Variants in ADAM20 observed in about 807,000 individuals in gnomAD.
ADAM20 encodes ADAM metallopeptidase domain 20, also known as disintegrin and metalloproteinase domain-containing protein 20.
For missense variants in ADAM20, 871 were observed against 883.2 expected (o/e 0.99, Z 0.18); for synonymous variants, 305 against 310.2 (o/e 0.98, Z 0.18).
the ADAM20 span, chr14:70,556,284 G>C: frequency 1.3e-5 from 2 of 152,390 alleles, no homozygotes; most frequent in Non-Finnish European, 2.9e-5. Flanking sequence ...GCCTGCACCT[G>C]CCGGCGCCAT....
At chr14:70,539,590 A>G (rs1047063935), upstream of ADAM20, among the ~76,000 whole-genome samples, 53 of 152,230 alleles carry the variant, frequency 3.5e-4, no homozygotes, top group African/African-American at 1.3e-3. Context: ...GTTTCTATGG[A>G]TTGTTTGTAA....
At chr14:70,557,491 A>G in the ADAM20 span, 1 of 152,236 alleles carries the variant, frequency 6.6e-6, no homozygotes, top group African/African-American at 2.4e-5. Flanking sequence ...GCCTTGCCTC[A>G]TTATCTTACA....
chr14:70,526,932 T>C (rs1883602892), intron 1 of ADAM20, among the ~76,000 whole-genome samples: 1 of 152,288 alleles, frequency 6.6e-6, no homozygotes, highest in South Asian at 2.1e-4. Flanking sequence ...ATCAATGTAG[T>C]GGGCCACAAC....
At chr14:70,570,528 T>C in the ADAM20 span, among the ~76,000 whole-genome samples, 2 of 151,986 alleles carry the variant, frequency 1.3e-5, no homozygotes, top group African/African-American at 4.8e-5. Context: ...CTAGGAGAAA[T>C]GGATATATTC....
Position 70,524,528 on chromosome 14 carries a change from C to A in ADAM20, c.230G>T (p.Arg77Met). Reference protein sequence around the residue: ...FGGQRYIVHMRVNKLLFAAHL... With the variant: ...FGGQRYIVHMMVNKLLFAAHL... ...TGCAGCAAACAACAGCTTATTTACC[C>A]TCATGTGGACAATGTATCTCTGTCC... is the stretch of plus-strand genomic sequence containing the variant. The change falls in exon 2 of 2, where the codon AGG becomes ATG. Residue 77 changes from arginine to methionine, a missense_variant. Physicochemically the swap from Arg to Met is moderately conservative, Grantham distance 91. Coordinates refer to ENST00000256389, the MANE Select transcript of ADAM20 (RefSeq NM_003814.5). 1.9e-6 allele frequency: 3 copies of A among 1,614,010 alleles called. No homozygotes were observed. The East Asian group carries it at 6.7e-5, about 36-fold the overall frequency.
intron 1 of ADAM20, among the ~76,000 whole-genome samples, chr14:70,525,497 C>T (rs1214861925): frequency 6.6e-6 from 1 of 152,146 alleles, no homozygotes; most frequent in African/African-American, 2.4e-5. Flanking sequence ...ACTGGGATTA[C>T]AGGCATGAGC....
the ADAM20 span, among the ~76,000 whole-genome samples, chr14:70,553,332 ACTAGTAGCAG>A: frequency 3.5e-5 from 4 of 114,956 alleles, no homozygotes; most frequent in East Asian, 3.1e-4. Flanking sequence ...AAAAAAAAAA[ACTAGTAGCAG>A]AATTGAAAAA....
the ADAM20 span, among the ~76,000 whole-genome samples, chr14:70,575,662 T>C: frequency 6.6e-6 from 1 of 152,230 alleles, no homozygotes; most frequent in African/African-American, 2.4e-5. Flanking sequence ...AAAATATGCA[T>C]ATTATTAAAA....
rs980720425 is a variant in ADAM20 at position 70,524,228 on chromosome 14, T to A, written c.530A>T (p.Glu177Val). 6.2e-7 allele frequency: 1 copy of A among 1,614,018 alleles called. No individual in the cohort carries two copies. The highest frequency in any genetic ancestry group is 1.1e-5 in the South Asian group (1 of 91,068). ...QFPPMRCGLT[E>V]EKIAHQMELQ... is the part of the protein sequence containing the mutation. ...CTCCATCTGGTGTGCTATTTTCTCT[T>A]CTGTTAACCCACATCTCATAGGTGG... is the stretch of plus-strand genomic sequence containing the variant. The change falls in exon 2 of 2, where the codon GAA (glutamate) becomes GTA (valine). Residue 177 changes from glutamate to valine, a missense_variant. Glu to Val is a moderately radical substitution (Grantham distance 121, BLOSUM62 -2). Coordinates refer to ENST00000256389, the MANE Select transcript of ADAM20 (RefSeq NM_003814.5).
intron 1 of ADAM20, among the ~76,000 whole-genome samples, chr14:70,527,351 T>C (rs1480434412): frequency 2.0e-5 from 3 of 152,152 alleles, no homozygotes; most frequent in Non-Finnish European, 2.9e-5. Context: ...TACTTGAAGA[T>C]TGACTCAACT....
chr14:70,529,709 T>C (rs1236601868), intron 1 of ADAM20, among the ~76,000 whole-genome samples: 1 of 152,190 alleles, frequency 6.6e-6, no homozygotes, highest in African/African-American at 2.4e-5. Context: ...GCACTCATCA[T>C]GTATGGAGCT....
At chr14:70,532,445 G>A (rs773405704) in intron 1 of ADAM20, among the ~76,000 whole-genome samples, 19 of 151,846 alleles carry the variant, frequency 1.3e-4, no homozygotes, top group Non-Finnish European at 2.1e-4. Context: ...CCAAAAGCAC[G>A]GGCAATAAAA....
At chr14:70,559,741 C>T in the ADAM20 span, among the ~76,000 whole-genome samples, 1,411 of 152,270 alleles carry the variant, frequency 9.3e-3, 26 homozygotes, top group African/African-American at 0.032. Context: ...ACTAACAGAC[C>T]AAAGCATACA....
At chr14:70,543,366 C>T in the ADAM20 span, among the ~76,000 whole-genome samples, 1 of 152,200 alleles carries the variant, frequency 6.6e-6, no homozygotes, top group Admixed American at 6.5e-5. Context: ...ATTACTGTAG[C>T]ATTTTGCTTA....
chr14:70,524,619 T>A lies in ADAM20; in HGVS notation c.139A>T (p.Lys47Ter). ...FTSPEVVIPL[K>*]VISRGRGAKA... is the part of the protein sequence containing the mutation. ...GCACCTCTGCCCCTGCTGATCACCT[T>A]CAAAGGGATCACCACTTCTGGAGAA... Residue 47 changes from lysine (K) to a stop codon, truncating the protein, a stop_gained, in exon 2 of 2, where the codon AAG becomes TAG. Transcript: ENST00000256389. LOFTEE classifies it low-confidence loss of function (END_TRUNC). 6.2e-7 allele frequency: 1 copy of A among 1,613,920 alleles called. No individual in the cohort carries two copies. Among genetic ancestry groups the A allele is most frequent in the Non-Finnish European group, 8.5e-7 (1 of 1,179,942 alleles).
the ADAM20 span, among the ~76,000 whole-genome samples, chr14:70,560,057 A>G: frequency 6.6e-6 from 1 of 152,200 alleles, no homozygotes; most frequent in Non-Finnish European, 1.5e-5. Context: ...TTCTCAAAAT[A>G]TGTTTTCATC....
the ADAM20 span, among the ~76,000 whole-genome samples, chr14:70,559,562 G>C: frequency 1.3e-5 from 2 of 152,164 alleles, no homozygotes; most frequent in Non-Finnish European, 2.9e-5. Flanking sequence ...ACTTTGCTCA[G>C]AATGCTCCAG....
At chr14:70,574,564 C>T in the ADAM20 span, among the ~76,000 whole-genome samples, 3 of 151,614 alleles carry the variant, frequency 2.0e-5, no homozygotes, top group Admixed American at 6.6e-5. Flanking sequence ...GGTGTGAACC[C>T]GGGAGGCAGA....
chr14:70,553,379 G>A, the ADAM20 span, among the ~76,000 whole-genome samples: 1 of 128,366 alleles, frequency 7.8e-6, no homozygotes, highest in Non-Finnish European at 1.6e-5. Context: ...TACCAATCCT[G>A]CTCAAATAGT....
Sources: gnomAD v4.1 joint callset for allele counts (sites outside exome capture counted in the v4.1 genomes callset) on GRCh38, gnomAD v4.1.1 for gene constraint, MANE v1.5 for transcripts, NCBI Gene and HGNC (gene_info 2026-07-23, HGNC 2026-07-21) for gene names.